The following ZNF423 variants were observed in gnomAD, a reference collection of about 807,000 sequenced individuals.
The protein encoded by ZNF423 is zinc finger protein 423, also known as Ebf-associated zinc finger protein.
Under a neutral mutation model 95.8 loss-of-function variants are expected in ZNF423, and 12 were observed. The observed-to-expected ratio is 0.13, with a 90% CI of 0.08 to 0.20. ZNF423 has a LOEUF of 0.20. Ranked by LOEUF, ZNF423 falls within the 10% of genes least tolerant of loss-of-function variation. ZNF423 has a pLI of 1.00. For missense variants in ZNF423, 1,316 were observed against 1,737.1 expected, an observed-to-expected ratio of 0.76 and a Z score of 4.31; for synonymous variants, 749 against 711.9, an observed-to-expected ratio of 1.05 and a Z score of -0.83.
At chr16:49,746,751 C>A (rs903736498) in intron 2 of ZNF423, among the ~76,000 whole-genome samples, 1 of 152,128 alleles carries the variant, frequency 6.6e-6, no homozygotes, top group Non-Finnish European at 1.5e-5. Flanking sequence ...CGGTTACAGG[C>A]GTGAACCACC....
chr16:49,560,523 C>T (rs1196513729), intron 5 of ZNF423, among the ~76,000 whole-genome samples: 4 of 152,286 alleles, frequency 2.6e-5, no homozygotes, highest in Non-Finnish European at 4.4e-5. Context: ...GAAGGTTTCC[C>T]CGCAAAATCA....
intron 1 of ZNF423, among the ~76,000 whole-genome samples, chr16:49,841,901 C>T (rs188357986): frequency 1.3e-5 from 2 of 152,236 alleles, no homozygotes; most frequent in South Asian, 2.1e-4. Flanking sequence ...GAAAGAAATG[C>T]CCATATCTCC....
intron 2 of ZNF423, among the ~76,000 whole-genome samples, chr16:49,781,521 A>T (rs2143773978): frequency 6.6e-6 from 1 of 152,338 alleles, no homozygotes; most frequent in South Asian, 2.1e-4. Context: ...ACGCAAGTGC[A>T]GAAGCGCAGG....
At chr16:49,817,972 T>C (rs958134906) in intron 1 of ZNF423, among the ~76,000 whole-genome samples, 4 of 152,088 alleles carry the variant, frequency 2.6e-5, no homozygotes, top group African/African-American at 9.7e-5. Flanking sequence ...CTGACCTTTT[T>C]TGAGTTCGTC....
chr16:49,795,963 G>A (rs2034492810), intron 1 of ZNF423, among the ~76,000 whole-genome samples: 1 of 152,156 alleles, frequency 6.6e-6, no homozygotes, highest in Non-Finnish European at 1.5e-5. Context: ...GGCCCTTAGA[G>A]GGCGCCTGCT....
intron 3 of ZNF423, among the ~76,000 whole-genome samples, chr16:49,652,481 T>G (rs1423523666): frequency 6.6e-6 from 1 of 152,018 alleles, no homozygotes; most frequent in African/African-American, 2.4e-5. Context: ...TACAAGGGAC[T>G]CCCCAGGGGC....
At chr16:49,771,283 A>G (rs1567335729) in intron 2 of ZNF423, among the ~76,000 whole-genome samples, 1 of 141,602 alleles carries the variant, frequency 7.1e-6, no homozygotes, top group Non-Finnish European at 1.5e-5. Flanking sequence ...GCTCACTGCA[A>G]CCTCCACCTC....
intron 2 of ZNF423, among the ~76,000 whole-genome samples, chr16:49,738,179 C>T (rs560616947): frequency 6.6e-6 from 1 of 152,226 alleles, no homozygotes; most frequent in African/African-American, 2.4e-5. Context: ...TTTGCTGCAA[C>T]ATACGGGGTG....
intron 4 of ZNF423, among the ~76,000 whole-genome samples, chr16:49,628,711 T>C (rs545675908): frequency 8.5e-5 from 13 of 152,218 alleles, no homozygotes; most frequent in Non-Finnish European, 1.8e-4. Flanking sequence ...TAAGCACAAA[T>C]GACCCCAAGA....
At chr16:49,830,194 A>C (rs994764596) in intron 1 of ZNF423, among the ~76,000 whole-genome samples, 1 of 152,162 alleles carries the variant, frequency 6.6e-6, no homozygotes, top group Non-Finnish European at 1.5e-5. Context: ...CAGAAGAAGG[A>C]GAAGGAGCCA....
At chr16:49,570,601 C>A (rs1393069175) in intron 5 of ZNF423, among the ~76,000 whole-genome samples, 2 of 152,198 alleles carry the variant, frequency 1.3e-5, no homozygotes, top group Non-Finnish European at 2.9e-5. Flanking sequence ...TTAATTACCA[C>A]AACCTCTTCC....
intron 3 of ZNF423, among the ~76,000 whole-genome samples, chr16:49,706,746 C>T (rs1245324926): frequency 6.6e-6 from 1 of 152,234 alleles, no homozygotes; most frequent in Non-Finnish European, 1.5e-5. Flanking sequence ...CGAAGGTCTT[C>T]TGCCTCCATC....
intron 7 of ZNF423, among the ~76,000 whole-genome samples, chr16:49,491,721 G>A (rs1048153796): frequency 6.6e-6 from 1 of 152,110 alleles, no homozygotes; most frequent in Middle Eastern, 3.4e-3. Flanking sequence ...GGCTGCCCTC[G>A]CATCCCCCTC....
intron 3 of ZNF423, among the ~76,000 whole-genome samples, chr16:49,667,440 G>A (rs986975680): frequency 6.6e-6 from 1 of 152,222 alleles, no homozygotes; most frequent in African/African-American, 2.4e-5. Context: ...AAATTAAACA[G>A]GGTAAAAAGA....
At chr16:49,653,051 C>T (rs1249554690) in intron 3 of ZNF423, among the ~76,000 whole-genome samples, 1 of 152,160 alleles carries the variant, frequency 6.6e-6, no homozygotes, top group Non-Finnish European at 1.5e-5. Context: ...TCAATAATAA[C>T]TCACCCTATT....
intron 7 of ZNF423, among the ~76,000 whole-genome samples, chr16:49,522,188 GGT>G (rs1475225385): frequency 6.6e-6 from 1 of 152,198 alleles, no homozygotes; most frequent in Non-Finnish European, 1.5e-5. Context: ...GGGCCAAACT[GGT>G]GTGTGTGAGT....
At chr16:49,493,248 C>T (rs1329247121) in intron 7 of ZNF423, among the ~76,000 whole-genome samples, 1 of 152,160 alleles carries the variant, frequency 6.6e-6, no homozygotes, top group African/African-American at 2.4e-5. Context: ...CCTTCTCCTC[C>T]CTCCCAACCA....
At chr16:49,693,874 T>C (rs2031877558) in intron 3 of ZNF423, among the ~76,000 whole-genome samples, 1 of 152,228 alleles carries the variant, frequency 6.6e-6, no homozygotes, top group Non-Finnish European at 1.5e-5. Flanking sequence ...AGGTTTATCC[T>C]TAAGCCAGTT....
At chr16:49,728,753 G>C (rs2033090085) in intron 3 of ZNF423, among the ~76,000 whole-genome samples, 1 of 151,342 alleles carries the variant, frequency 6.6e-6, no homozygotes, top group Admixed American at 6.6e-5. Context: ...CCTTTTTTGA[G>C]ATGGGGTCTC....
Sources: gnomAD v4.1 joint callset for allele counts (sites outside exome capture counted in the v4.1 genomes callset) on GRCh38, gnomAD v4.1.1 for gene constraint, MANE v1.5 for transcripts, NCBI Gene and HGNC (gene_info 2026-07-23, HGNC 2026-07-21) for gene names.